PRKG1: variants seen among roughly 807,000 people sequenced by gnomAD.
PRKG1 encodes protein kinase cGMP-dependent 1, also known as cGMP-dependent protein kinase 1.
PRKG1 carries 35 observed loss-of-function variants against 88.1 expected under a neutral mutation model. The observed-to-expected ratio is 0.40, with a 90% confidence interval of 0.30 to 0.53. PRKG1 has a LOEUF of 0.53. Among genes scored for constraint, PRKG1 ranks in the 20% least tolerant of loss-of-function variants. The pLI, the probability that PRKG1 is intolerant of heterozygous loss-of-function variation, is 0.59. For synonymous variants in PRKG1, 303 were observed against 292.5 expected (o/e 1.04, Z -0.37); for missense variants, 540 against 839.8 (o/e 0.64, Z 4.41).
chr10:51,319,460 C>T (rs1841401293), intron 2 of PRKG1, among the ~76,000 whole-genome samples: 1 of 152,176 alleles, frequency 6.6e-6, no homozygotes, highest in Admixed American at 6.5e-5. Context: ...TTTTCCCTTC[C>T]TTTCTGCTCT....
intron 2 of PRKG1, among the ~76,000 whole-genome samples, chr10:51,337,490 G>A (rs1383638503): frequency 2.6e-5 from 4 of 152,022 alleles, no homozygotes; most frequent in African/African-American, 9.7e-5. Flanking sequence ...CAGAGTGGGA[G>A]AAAATTTTTA....
At chr10:52,012,435 G>T (rs972320810) in intron 5 of PRKG1, among the ~76,000 whole-genome samples, 3 of 152,086 alleles carry the variant, frequency 2.0e-5, no homozygotes, top group Non-Finnish European at 4.4e-5. Flanking sequence ...GTAGAGACAG[G>T]GTTTCACCGT....
intron 3 of PRKG1, among the ~76,000 whole-genome samples, chr10:51,692,411 A>AT (rs1841168460): frequency 1.3e-5 from 2 of 151,640 alleles, no homozygotes; most frequent in African/African-American, 2.4e-5. Flanking sequence ...CCCCTGGCTA[A>AT]TTTTTTTGTA....
In PRKG1 at chr10:51,852,213, GTA is replaced by G. The variant is rs10650535; in HGVS notation, c.698+47538_698+47539del. Among the ~76,000 whole-genome samples, 133 of 143,162 alleles carry G rather than the reference GTA, an allele frequency of 9.3e-4. 2 individuals carry two copies. The East Asian group carries it at 0.016, about 18-fold the overall frequency. The allele number at this position is 143,162 out of a possible 152,430, so 93.9% of individuals were successfully genotyped here. On this transcript the variant is annotated intron_variant, in intron 4 of 17. Transcript: ENST00000373980. ...TTAGGCAAACCTAAGTTTTATATGT[GTA>G]TATATATATATATACACACACACAC... is the stretch of plus-strand genomic sequence containing the variant.
Position 51,994,734 on chromosome 10 carries a change from A to G in PRKG1, c.763-59750A>G, listed in dbSNP as rs1844395252. Among the ~76,000 whole-genome samples the G allele has an allele frequency of 2.6e-5, 4 of 152,218 alleles. No individual in the cohort carries two copies. The South Asian group carries it at 8.3e-4, about 32-fold the overall frequency. On this transcript the variant is annotated intron_variant, in intron 5 of 17. Transcript: ENST00000373980. Reference sequence around the variant, plus strand: ...ATAGAGTGTGCTGTTGTCTCTTCATATATTTGAAACATGCCTGCTGAGCTT... The same window carrying G: ...ATAGAGTGTGCTGTTGTCTCTTCATGTATTTGAAACATGCCTGCTGAGCTT...
chr10:51,036,027 T>G (rs564120507), intron 1 of PRKG1, among the ~76,000 whole-genome samples: 1 of 152,326 alleles, frequency 6.6e-6, no homozygotes, highest in South Asian at 2.1e-4. Flanking sequence ...CCATGTTTAT[T>G]CTTGAACATT....
At chr10:51,205,585 G>A (rs1025073753) in intron 2 of PRKG1, among the ~76,000 whole-genome samples, 6 of 151,868 alleles carry the variant, frequency 4.0e-5, no homozygotes, top group African/African-American at 1.5e-4. Context: ...GCCCTAGCTG[G>A]AGTGCAGTGG....
chr10:52,224,922 A>G (rs1840355092), intron 9 of PRKG1, among the ~76,000 whole-genome samples: 1 of 150,652 alleles, frequency 6.6e-6, no homozygotes, highest in East Asian at 1.9e-4. Flanking sequence ...TTTTGCAATT[A>G]TGAATTGTGC....
At chr10:51,201,302 G>A (rs1478862071) in intron 2 of PRKG1, among the ~76,000 whole-genome samples, 1 of 151,862 alleles carries the variant, frequency 6.6e-6, no homozygotes, top group Admixed American at 6.6e-5. Context: ...AAATACATAA[G>A]TTAGCCGGGC....
At chr10:51,084,017 C>A (rs556331711) in intron 1 of PRKG1, among the ~76,000 whole-genome samples, 1 of 152,084 alleles carries the variant, frequency 6.6e-6, no homozygotes, top group Non-Finnish European at 1.5e-5. Context: ...ATCTTAGAAT[C>A]GGAGTCAGCA....
At chr10:51,058,007 A>G (rs2132779081) in intron 1 of PRKG1, among the ~76,000 whole-genome samples, 1 of 152,254 alleles carries the variant, frequency 6.6e-6, no homozygotes, top group African/African-American at 2.4e-5. Flanking sequence ...CTATTGTTCC[A>G]CAGACTAAGG....
At chr10:51,825,267 G>A (rs1839854893) in intron 4 of PRKG1, among the ~76,000 whole-genome samples, 1 of 152,134 alleles carries the variant, frequency 6.6e-6, no homozygotes, top group Admixed American at 6.5e-5. Flanking sequence ...AGTATTTTTA[G>A]ATTTTAGAAA....
intron 4 of PRKG1, among the ~76,000 whole-genome samples, chr10:51,847,862 AAAAAAAAAAAAAAAAG>A: frequency 6.8e-6 from 1 of 146,510 alleles, no homozygotes. Flanking sequence ...AAAAAAAAAA[AAAAAAAAAAAAAAAAG>A]ACCGAGAATC....
chr10:51,721,340 G>A (rs1436710406), intron 3 of PRKG1, among the ~76,000 whole-genome samples: 1 of 151,878 alleles, frequency 6.6e-6, no homozygotes, highest in Non-Finnish European at 1.5e-5. Context: ...TTTATTAAAT[G>A]CACTCATGTA....
At chr10:51,995,892 A>T (rs1383422534) in intron 5 of PRKG1, among the ~76,000 whole-genome samples, 2 of 152,226 alleles carry the variant, frequency 1.3e-5, no homozygotes, top group Non-Finnish European at 2.9e-5. Context: ...AAGCTCCAGG[A>T]CATTGGTCTG....
intron 9 of PRKG1, among the ~76,000 whole-genome samples, chr10:52,188,302 GTA>G (rs1208164090): frequency 1.1e-5 from 1 of 89,176 alleles, no homozygotes; most frequent in Non-Finnish European, 2.0e-5. Context: ...ATATATATAT[GTA>G]TATATATACA....
chr10:51,803,076 A>G (rs1446760043), intron 3 of PRKG1, among the ~76,000 whole-genome samples: 1 of 152,084 alleles, frequency 6.6e-6, no homozygotes, highest in East Asian at 1.9e-4. Flanking sequence ...TCCAACTCTT[A>G]GGAATCCTCT....
At chr10:51,459,586 C>A (rs1466074583) in intron 2 of PRKG1, among the ~76,000 whole-genome samples, 1 of 152,108 alleles carries the variant, frequency 6.6e-6, no homozygotes, top group East Asian at 1.9e-4. Context: ...TTATCTAATT[C>A]AGTTATCATA....
chr10:51,268,995 A>G (rs768567108), intron 2 of PRKG1, among the ~76,000 whole-genome samples: 3 of 152,154 alleles, frequency 2.0e-5, no homozygotes, highest in Non-Finnish European at 4.4e-5. Flanking sequence ...CCTACAACAC[A>G]GAATCTTCAA....
Sources: allele counts gnomAD v4.1 joint callset (sites outside exome capture counted in the v4.1 genomes callset), GRCh38; gene constraint gnomAD v4.1.1; transcripts MANE v1.5; gene names NCBI Gene and HGNC (gene_info 2026-07-23, HGNC 2026-07-21).